Variants in GTF2E1 observed in about 807,000 individuals in gnomAD.
The protein encoded by GTF2E1 is TFIIE alpha subunit.
Under a neutral mutation model 34.9 loss-of-function variants are expected in GTF2E1, and 14 were observed. The observed-to-expected ratio is 0.40, with a 90% CI of 0.27 to 0.63. The LOEUF (loss-of-function observed/expected upper bound fraction) is 0.63, where lower values mean the gene tolerates loss of function less well. Ranked by LOEUF, GTF2E1 falls within the 20% of genes least tolerant of loss-of-function variation. The pLI is 0.39. For synonymous variants in GTF2E1, 188 were observed against 192.9 expected (o/e 0.97, Z 0.21); for missense variants, 469 against 557.7 (o/e 0.84, Z 1.60).
chr3:120,781,566 T>C lies in GTF2E1; in HGVS notation c.*96T>C. On this transcript the variant is annotated 3_prime_UTR_variant, in exon 5 of 5. Transcript: ENST00000283875. ...TATTTAAGTGGCTTTCTGCCCCTCT[T>C]GATGTAAGCAACTGTCCATCCTTGT... is the stretch of plus-strand genomic sequence containing the variant. The C allele has an allele frequency of 1.1e-6, 1 of 897,976 alleles. No homozygotes were observed. Among genetic ancestry groups the C allele is most frequent in the Admixed American group, 2.4e-5 (1 of 40,850 alleles). 55.6% of individuals were successfully genotyped at this position (897,976 alleles called of 1,614,324 possible).
intron 2 of GTF2E1, among the ~76,000 whole-genome samples, chr3:120,756,252 C>T (rs1268680106): frequency 6.6e-6 from 1 of 152,182 alleles, no homozygotes; most frequent in African/African-American, 2.4e-5. Context: ...TCCCTTTCCT[C>T]CACGTTCTTG....
Position 120,750,541 on chromosome 3 carries a change from T to C in GTF2E1, c.-12T>C, listed in dbSNP as rs1024900581. 1.3e-5 allele frequency: 21 copies of C among 1,598,338 alleles called. No homozygotes were observed. Among genetic ancestry groups the C allele is most frequent in the Non-Finnish European group, 1.7e-5 (20 of 1,168,752 alleles). On this transcript the variant is annotated 5_prime_UTR_variant, in exon 2 of 5. Coordinates refer to ENST00000283875, the MANE Select transcript of GTF2E1 (RefSeq NM_005513.3). The stretch of plus-strand genomic sequence containing the variant: ...AATTCAGTATATTTAAAGTTGGAGT[T>C]CGTTGCTAAAGATGGCAGACCCAGA...
chr3:120,744,444 A>G (rs1709087186), intron 1 of GTF2E1, among the ~76,000 whole-genome samples: 1 of 152,236 alleles, frequency 6.6e-6, no homozygotes, highest in Admixed American at 6.5e-5. Flanking sequence ...CCTGCTGGGC[A>G]TATTCAGAGG....
chr3:120,743,919 A>C (rs1363712908), intron 1 of GTF2E1, among the ~76,000 whole-genome samples: 1 of 152,196 alleles, frequency 6.6e-6, no homozygotes, highest in Non-Finnish European at 1.5e-5. Flanking sequence ...TATGATTAAA[A>C]TACACGTGGG....
At chr3:120,779,933 A>G (rs1342778196) in intron 4 of GTF2E1, among the ~76,000 whole-genome samples, 2 of 152,232 alleles carry the variant, frequency 1.3e-5, no homozygotes, top group Admixed American at 6.5e-5. Flanking sequence ...TATGTTTGGT[A>G]GTAGTATCAG....
At chr3:120,764,100 C>A (rs1321003982) in intron 2 of GTF2E1, among the ~76,000 whole-genome samples, 1 of 152,134 alleles carries the variant, frequency 6.6e-6, no homozygotes, top group Admixed American at 6.6e-5. Context: ...ATCTTTAAGT[C>A]TCTGCTTTTA....
At chr3:120,779,366 T>C (rs1197929058) in intron 4 of GTF2E1, among the ~76,000 whole-genome samples, 3 of 152,230 alleles carry the variant, frequency 2.0e-5, no homozygotes, top group Non-Finnish European at 4.4e-5. Flanking sequence ...CTTTCTGTTG[T>C]AGTGCTGCAT....
intron 1 of GTF2E1, among the ~76,000 whole-genome samples, chr3:120,743,769 A>C (rs372829527): frequency 9.8e-5 from 15 of 152,348 alleles, no homozygotes; most frequent in African/African-American, 3.6e-4. Context: ...CAGGGAAAGC[A>C]CATGTGGCTC....
chr3:120,772,098 T>C (rs1313442613), intron 3 of GTF2E1, among the ~76,000 whole-genome samples: 1 of 152,194 alleles, frequency 6.6e-6, no homozygotes, highest in Non-Finnish European at 1.5e-5. Context: ...GCCATGTATT[T>C]CTAGGTATCA....
At chr3:120,772,223 T>A in intron 3 of GTF2E1, among the ~76,000 whole-genome samples, 1 of 152,130 alleles carries the variant, frequency 6.6e-6, no homozygotes, top group African/African-American at 2.4e-5. Flanking sequence ...ATTTATCCCC[T>A]GATGTCTCAC....
chr3:120,757,327 T>C (rs570426564), intron 2 of GTF2E1, among the ~76,000 whole-genome samples: 5 of 152,366 alleles, frequency 3.3e-5, no homozygotes, highest in East Asian at 1.9e-4. Flanking sequence ...CCCAATTTCA[T>C]TGATTAAATT....
intron 1 of GTF2E1, among the ~76,000 whole-genome samples, chr3:120,746,392 G>A (rs760016204): frequency 3.9e-5 from 6 of 152,130 alleles, no homozygotes; most frequent in Admixed American, 1.3e-4. Flanking sequence ...AGGAGGCTGA[G>A]GCAGGAGGAT....
At chr3:120,777,229 G>A (rs1311851626) in intron 4 of GTF2E1, among the ~76,000 whole-genome samples, 1 of 152,194 alleles carries the variant, frequency 6.6e-6, no homozygotes, top group Non-Finnish European at 1.5e-5. Context: ...CTAATCTTCG[G>A]AAGTTAGAGA....
intron 2 of GTF2E1, among the ~76,000 whole-genome samples, chr3:120,767,537 G>A (rs964959284): frequency 5.9e-5 from 9 of 151,912 alleles, no homozygotes; most frequent in African/African-American, 1.7e-4. Context: ...CCCTTCTATC[G>A]CACCCCATGG....
chr3:120,767,775 G>A (rs964926652), intron 2 of GTF2E1, among the ~76,000 whole-genome samples: 5 of 152,166 alleles, frequency 3.3e-5, no homozygotes, highest in Non-Finnish European at 7.4e-5. Context: ...CAGCCCTTCT[G>A]TAAGTAACTC....
intron 2 of GTF2E1, among the ~76,000 whole-genome samples, chr3:120,770,019 C>A (rs1409242371): frequency 6.6e-6 from 1 of 152,122 alleles, no homozygotes; most frequent in African/African-American, 2.4e-5. Flanking sequence ...ATGTATCAAT[C>A]ATACATGGGG....
chr3:120,781,455 G>A lies in GTF2E1; in HGVS notation c.1305G>A (p.Glu435=). Residue 435 remains glutamate, a synonymous_variant, in exon 5 of 5, where the codon GAG becomes GAA. Coordinates refer to ENST00000283875, the MANE Select transcript of GTF2E1 (RefSeq NM_005513.3). ...AYIAMGQRMF[E]DLFE ...TAGCAATGGGACAACGCATGTTTGA[G>A]GACCTCTTTGAGTGAGCTTTCCCTA... 1 of 1,611,940 alleles carries A rather than the reference G, an allele frequency of 6.2e-7. No individual in the cohort carries two copies. Among genetic ancestry groups the A allele is most frequent in the Non-Finnish European group, 8.5e-7 (1 of 1,178,082 alleles).
chr3:120,755,963 T>C (rs1455279806), intron 2 of GTF2E1, among the ~76,000 whole-genome samples: 2 of 152,228 alleles, frequency 1.3e-5, no homozygotes, highest in Non-Finnish European at 2.9e-5. Flanking sequence ...TATGGCTGAA[T>C]AGTACTCCAT....
Position 120,753,108 on chromosome 3 carries a change from G to A in GTF2E1, c.448+2108G>A, listed in dbSNP as rs76632778. ...TCTAGTTTGCCAGTTCTGATGTTTT[G>A]AGTTTTGTTTTTGTTTTTTTTTTTA... On this transcript the variant is annotated intron_variant, in intron 2 of 4. Coordinates refer to ENST00000283875, the MANE Select transcript of GTF2E1 (RefSeq NM_005513.3). 5.7e-3 allele frequency among the ~76,000 whole-genome samples: 864 copies of A among 151,796 alleles called. 12 individuals are homozygous for A. Among genetic ancestry groups the A allele is most frequent in the African/African-American group, 0.02 (832 of 41,446 alleles).
Sources: allele counts gnomAD v4.1 joint callset (sites outside exome capture counted in the v4.1 genomes callset), GRCh38; gene constraint gnomAD v4.1.1; transcripts MANE v1.5; gene names NCBI Gene and HGNC (gene_info 2026-07-23, HGNC 2026-07-21).